ZNF766: variants seen among roughly 807,000 people sequenced by gnomAD.
The protein encoded by ZNF766 is zinc finger protein 766.
ZNF766 carries 13 observed loss-of-function variants against 13.2 expected under a neutral mutation model. The ratio of observed to expected loss-of-function variants is 0.98; its 90% CI spans 0.64 to 1.56. The LOEUF (loss-of-function observed/expected upper bound fraction) is 1.56. Among genes scored for constraint, ZNF766 ranks in the 40% most tolerant of loss-of-function variants. The pLI, the probability that ZNF766 is intolerant of heterozygous loss-of-function variation, is 0.00. For synonymous variants in ZNF766, 178 were observed against 187.6 expected, an observed-to-expected ratio of 0.95 and a Z score of 0.42; for missense variants, 521 against 552.2, an observed-to-expected ratio of 0.94 and a Z score of 0.57.
At chr19:52,281,272 AT>A in intron 1 of ZNF766, 2 of 180,508 alleles carry the variant, frequency 1.1e-5, no homozygotes, top group Non-Finnish European at 2.4e-5. Context: ...TAATCCCAGC[AT>A]TTTGGGAGGC....
intron 2 of ZNF766, 156 bp downstream of exon 2, chr19:52,282,393 T>C (rs544484340): frequency 5.9e-6 from 5 of 853,328 alleles, no homozygotes; most frequent in South Asian, 5.4e-5. Context: ...CCCAGCACTT[T>C]GGGAGGCTGA....
chr19:52,278,800 A>G (rs1981342365), intron 1 of ZNF766, among the ~76,000 whole-genome samples: 1 of 152,208 alleles, frequency 6.6e-6, no homozygotes, highest in Admixed American at 6.5e-5. Flanking sequence ...ATAGTTCGCA[A>G]AAATTTTCTC....
At position 52,295,487 on chromosome 19, in the gene ZNF766, A is replaced by T. The variant is rs1446915932; in HGVS notation, c.*4289A>T. Reference sequence around the variant, plus strand: ...GGCATGAGCCACCATGCCCGGCCAGATGCTATGCTTAATACATTTTTTCCG... The same window carrying T: ...GGCATGAGCCACCATGCCCGGCCAGTTGCTATGCTTAATACATTTTTTCCG... On this transcript the variant is annotated 3_prime_UTR_variant, in exon 4 of 4. Transcript: ENST00000439461. 2.0e-5 allele frequency: 3 copies of T among 152,240 alleles called. No homozygotes were observed. Among genetic ancestry groups the T allele is most frequent in the African/African-American group, 2.4e-5 (1 of 41,462 alleles). The allele number at this position is 152,240 out of a possible 1,614,324, so 9.4% of individuals were successfully genotyped here. A position where few individuals can be genotyped will look rare whatever the true frequency, so the allele number is the denominator to read the frequency against.
At chr19:52,286,049 A>G (rs1198579554) in intron 3 of ZNF766, among the ~76,000 whole-genome samples, 1 of 151,814 alleles carries the variant, frequency 6.6e-6, no homozygotes, top group African/African-American at 2.4e-5. Flanking sequence ...TCAGTAATCA[A>G]TGAAAGAGAG....
rs1179302426 is a variant in ZNF766 at position 52,294,916 on chromosome 19, TAGTG to T, written c.*3719_*3722del. ...ACTTTTTATAGTAGACAATGAAAATTAGTGTGTGGGTTTATAATAAATATAATGT... is the reference window on the plus strand; with the variant it reads ...ACTTTTTATAGTAGACAATGAAAATTTGTGGGTTTATAATAAATATAATGT... On this transcript the variant is annotated 3_prime_UTR_variant, in exon 4 of 4. Coordinates refer to ENST00000439461, the MANE Select transcript of ZNF766 (RefSeq NM_001010851.3). 6.6e-6 allele frequency: 1 copy of T among 151,586 alleles called. No homozygotes were observed. Among genetic ancestry groups the T allele is most frequent in the Non-Finnish European group, 1.5e-5 (1 of 67,920 alleles). The allele number at this position is 151,586 out of a possible 1,614,324, so 9.4% of individuals were successfully genotyped here.
intron 1 of ZNF766, among the ~76,000 whole-genome samples, chr19:52,280,622 G>A (rs967849598): frequency 6.6e-5 from 10 of 151,454 alleles, no homozygotes; most frequent in South Asian, 2.1e-4. Flanking sequence ...TTGCTCTGTC[G>A]CCCAGGCTGG....
intron 3 of ZNF766, 125 bp downstream of exon 3, chr19:52,283,538 A>G: frequency 3.1e-6 from 4 of 1,281,788 alleles, no homozygotes; most frequent in Non-Finnish European, 3.1e-6. Context: ...CCTGGGCTTC[A>G]ACAGTCCTCC....
Position 52,277,854 on chromosome 19 carries a change from G to C in ZNF766, c.19-4257G>C, listed in dbSNP as rs564068605. ...CAGGGATTGTTCAGGGGCCACATCT[G>C]GATGCTCTGTCAGCTCTCTGTGGAC... is the stretch of plus-strand genomic sequence containing the variant. On this transcript the variant is annotated intron_variant, in intron 1 of 3. Coordinates refer to ENST00000439461, the MANE Select transcript of ZNF766 (RefSeq NM_001010851.3). Among the ~76,000 whole-genome samples the C allele has an allele frequency of 2.0e-5, 3 of 152,196 alleles. No individual in the cohort carries two copies. In the East Asian group the frequency reaches 5.8e-4, roughly 29 times the overall value.
intron 1 of ZNF766, among the ~76,000 whole-genome samples, chr19:52,280,562 T>C (rs901041714): frequency 5.3e-5 from 8 of 152,078 alleles, no homozygotes; most frequent in African/African-American, 1.4e-4. Flanking sequence ...TTTATAAGAA[T>C]TTTTTAATTT....
intron 1 of ZNF766, among the ~76,000 whole-genome samples, chr19:52,280,103 T>C (rs1223065596): frequency 6.6e-6 from 1 of 152,134 alleles, no homozygotes; most frequent in East Asian, 1.9e-4. Flanking sequence ...GCTGGTCTAC[T>C]TTTTTTAAAT....
chr19:52,284,366 GA>G (rs1348051412), intron 3 of ZNF766, among the ~76,000 whole-genome samples: 2 of 152,156 alleles, frequency 1.3e-5, no homozygotes, highest in African/African-American at 4.8e-5. Flanking sequence ...GGGGAGATGG[GA>G]AAACACAGGC....
rs192258579 is a variant in ZNF766, at chr19:52,290,051, T to C, written c.275-15T>C. ...AACCATGGGTTCAAATTATACTCTT[T>C]ACTTGCTTTCCTAGGGAGGAGCTGT... On this transcript the variant is annotated splice_polypyrimidine_tract_variant and intron_variant, in intron 3 of 3. Transcript: ENST00000439461. 4 of 1,580,582 alleles carry C rather than the reference T, an allele frequency of 2.5e-6. No homozygotes were observed. Among genetic ancestry groups the C allele is most frequent in the African/African-American group, 1.4e-5 (1 of 73,494 alleles).
At chr19:52,276,076 A>G (rs1006633359) in intron 1 of ZNF766, among the ~76,000 whole-genome samples, 6 of 152,212 alleles carry the variant, frequency 3.9e-5, no homozygotes, top group African/African-American at 1.4e-4. Flanking sequence ...CATGCCCTAC[A>G]GGTTTTTAGC....
rs574933785 is a variant in ZNF766 at position 52,277,323 on chromosome 19, T to G, written c.19-4788T>G. On this transcript the variant is annotated intron_variant, in intron 1 of 3. Transcript: ENST00000439461. ...GAATACAAAAAATTACCTGGGCGTGTTGGCGGGCACCTGTAGTCCCAGCTA... is the reference window on the plus strand; with the variant it reads ...GAATACAAAAAATTACCTGGGCGTGGTGGCGGGCACCTGTAGTCCCAGCTA... 148 of 923,308 alleles carry G rather than the reference T, an allele frequency of 1.6e-4. 1 individual carries two copies. The highest frequency in any genetic ancestry group is 9.8e-4 in the South Asian group (53 of 54,188). The allele number at this position is 923,308 out of a possible 1,614,324, so 57.2% of individuals were successfully genotyped here.
chr19:52,277,458 C>CAA, intron 1 of ZNF766: 3 of 1,481,792 alleles, frequency 2.0e-6, no homozygotes, highest in South Asian at 2.5e-5. Flanking sequence ...GACTCCGTCT[C>CAA]AAAAAAAAAC....
At chr19:52,277,492 G>A (rs1472495858) in intron 1 of ZNF766, 4 of 1,572,306 alleles carry the variant, frequency 2.5e-6, no homozygotes, top group Non-Finnish European at 3.4e-6. Context: ...TTATGTGAAG[G>A]AGAAGCCCAG....
intron 3 of ZNF766, 57 bp downstream of exon 3, chr19:52,283,470 GTC>G: frequency 6.7e-7 from 1 of 1,484,948 alleles, no homozygotes; most frequent in East Asian, 2.5e-5. Context: ...TTTTGAGACA[GTC>G]TCTGTTCCCC....
chr19:52,272,677 A>G (rs951411488), intron 1 of ZNF766, among the ~76,000 whole-genome samples: 1 of 152,002 alleles, frequency 6.6e-6, no homozygotes, highest in Admixed American at 6.6e-5. Flanking sequence ...TATGTTGAAT[A>G]GGCTTGGATC....
intron 1 of ZNF766, among the ~76,000 whole-genome samples, chr19:52,271,853 C>T (rs796534342): frequency 9.9e-5 from 15 of 151,806 alleles, no homozygotes; most frequent in African/African-American, 2.4e-4. Flanking sequence ...CCAGTTACTC[C>T]GGAGGCTGAG....
Sources: gnomAD v4.1 joint callset for allele counts (sites outside exome capture counted in the v4.1 genomes callset) on GRCh38, gnomAD v4.1.1 for gene constraint, MANE v1.5 for transcripts, NCBI Gene and HGNC (gene_info 2026-07-23, HGNC 2026-07-21) for gene names.